FAM13A: variants seen among roughly 807,000 people sequenced by gnomAD.
FAM13A encodes the protein family with sequence similarity 13 member A, also known as protein FAM13A.
A neutral mutation model predicts 129.6 loss-of-function variants in FAM13A; 76 were observed. The observed-to-expected ratio is 0.59, with a 90% CI of 0.49 to 0.71. The LOEUF (loss-of-function observed/expected upper bound fraction) is 0.71, where lower values mean the gene tolerates loss of function less well. FAM13A is among the 30% of genes least tolerant of loss of function. The pLI, the probability that FAM13A is intolerant of heterozygous loss-of-function variation, is 0.00. For missense variants in FAM13A, 1,108 were observed against 1,249.3 expected (o/e 0.89, Z 1.70); for synonymous variants, 443 against 449.9 (o/e 0.98, Z 0.20).
chr4:88,948,250 G>A (rs933523723), intron 4 of FAM13A, among the ~76,000 whole-genome samples: 2 of 152,140 alleles, frequency 1.3e-5, no homozygotes, highest in African/African-American at 2.4e-5. Context: ...CTCATATAGT[G>A]TAGGTTTTGG....
intron 4 of FAM13A, among the ~76,000 whole-genome samples, chr4:88,954,861 G>A (rs1165207324): frequency 6.6e-6 from 1 of 151,310 alleles, no homozygotes; most frequent in African/African-American, 2.4e-5. Context: ...ACTCCAGCCT[G>A]GGCGACAGAG....
intron 6 of FAM13A, among the ~76,000 whole-genome samples, chr4:88,869,762 T>G (rs1157437059): frequency 6.6e-6 from 1 of 152,208 alleles, no homozygotes; most frequent in Non-Finnish European, 1.5e-5. Flanking sequence ...ATACCTGGCA[T>G]GTGATAGACA....
chr4:88,876,009 G>T (rs1162734392), intron 6 of FAM13A, among the ~76,000 whole-genome samples: 1 of 152,156 alleles, frequency 6.6e-6, no homozygotes, highest in South Asian at 2.1e-4. Flanking sequence ...GATGAAGCTG[G>T]AAACCATCAT....
intron 21 of FAM13A, among the ~76,000 whole-genome samples, chr4:88,735,737 G>A (rs1211752194): frequency 6.6e-6 from 1 of 152,138 alleles, no homozygotes; most frequent in Non-Finnish European, 1.5e-5. Flanking sequence ...CTGGCCAACA[G>A]GAACAAAGTG....
At chr4:88,802,941 A>G (rs1316365549) in intron 8 of FAM13A, among the ~76,000 whole-genome samples, 1 of 152,070 alleles carries the variant, frequency 6.6e-6, no homozygotes, top group Middle Eastern at 3.2e-3. Flanking sequence ...GTCTGTTCTG[A>G]TCTGCACTCT....
intron 4 of FAM13A, among the ~76,000 whole-genome samples, chr4:88,979,549 G>A (rs1303559377): frequency 6.6e-6 from 1 of 152,130 alleles, no homozygotes; most frequent in African/African-American, 2.4e-5. Flanking sequence ...CTCACGTGAA[G>A]AGATAATAAT....
At chr4:88,827,504 G>C (rs1430195978) in intron 7 of FAM13A, among the ~76,000 whole-genome samples, 1 of 152,166 alleles carries the variant, frequency 6.6e-6, no homozygotes, top group African/African-American at 2.4e-5. Flanking sequence ...AAATAGTTAA[G>C]TGCTCAATAA....
At chr4:88,981,399 A>C (rs565015420) in intron 4 of FAM13A, among the ~76,000 whole-genome samples, 1 of 152,354 alleles carries the variant, frequency 6.6e-6, no homozygotes, top group South Asian at 2.1e-4. Flanking sequence ...AATACACTCT[A>C]AACAACGGCA....
At chr4:88,902,648 T>C (rs892246715) in intron 6 of FAM13A, among the ~76,000 whole-genome samples, 7 of 152,250 alleles carry the variant, frequency 4.6e-5, no homozygotes, top group Admixed American at 3.3e-4. Context: ...CCACAGCCAG[T>C]ATCATACTGA....
Position 88,731,431 on chromosome 4 carries a change from AAG to A in FAM13A, c.2844-5_2844-4del, listed in dbSNP as rs376511180. On this transcript the variant is annotated splice_polypyrimidine_tract_variant and splice_region_variant and intron_variant, in intron 22 of 23. Transcript: ENST00000264344. ...GGAGGTGTTCCAGGAGTTCAGGTCT[AAG>A]AGAGAGGAAGCATTGCAAGGAAATT... 4 of 1,517,442 alleles carry A rather than the reference AAG, an allele frequency of 2.6e-6. No individual in the cohort carries two copies. The highest frequency in any genetic ancestry group is 3.5e-5 in the Admixed American group (2 of 56,522). The allele number at this position is 1,517,442 out of a possible 1,614,324, so 94.0% of individuals were successfully genotyped here. A position where few individuals can be genotyped will look rare whatever the true frequency, so the allele number is the denominator to read the frequency against.
intron 6 of FAM13A, chr4:88,855,345 T>C (rs1205111056): frequency 6.6e-6 from 1 of 152,128 alleles, no homozygotes; most frequent in Non-Finnish European, 1.5e-5. Context: ...CAAAACTAGA[T>C]GGAAGATATG....
intron 7 of FAM13A, among the ~76,000 whole-genome samples, chr4:88,805,672 A>AT (rs34154818): frequency 0.5 from 74,565 of 149,130 alleles, 18,604 homozygotes; most frequent in East Asian, 0.68. Flanking sequence ...TTGAAAGTTA[A>AT]TTTTTTTTTT....
intron 3 of FAM13A, among the ~76,000 whole-genome samples, chr4:89,017,247 GAAT>G (rs1189751284): frequency 6.6e-6 from 1 of 152,032 alleles, no homozygotes; most frequent in Non-Finnish European, 1.5e-5. Flanking sequence ...GGGAATGGAA[GAAT>G]AATACCAACA....
intron 7 of FAM13A, among the ~76,000 whole-genome samples, chr4:88,832,786 T>A (rs539650125): frequency 6.6e-6 from 1 of 152,224 alleles, no homozygotes; most frequent in African/African-American, 2.4e-5. Context: ...TTGGTGGAAA[T>A]GTAAACTAGT....
At chr4:88,991,433 G>A (rs933528298) in intron 3 of FAM13A, among the ~76,000 whole-genome samples, 2 of 151,910 alleles carry the variant, frequency 1.3e-5, no homozygotes, top group South Asian at 2.1e-4. Context: ...GAGAGACTCC[G>A]TCTCAAAATA....
At position 88,986,249 on chromosome 4, in the gene FAM13A, T is replaced by A. The variant is rs534709852; in HGVS notation, c.605+4724A>T. Among the ~76,000 whole-genome samples, 6 of 152,116 alleles carry A rather than the reference T, an allele frequency of 3.9e-5. No homozygotes were observed. The South Asian group carries it at 1.2e-3, about 32-fold the overall frequency. The stretch of plus-strand genomic sequence containing the variant: ...CCCGGGTTCAAGTGACTCTCATGCC[T>A]CAGCCTCTCAAGTAGCTGTGATTAC... On this transcript the variant is annotated intron_variant, in intron 4 of 23. Coordinates refer to ENST00000264344, the MANE Select transcript of FAM13A (RefSeq NM_014883.4).
intron 4 of FAM13A, among the ~76,000 whole-genome samples, chr4:88,988,748 G>A (rs1762572617): frequency 6.6e-6 from 1 of 151,880 alleles, no homozygotes; most frequent in East Asian, 1.9e-4. Flanking sequence ...ATTCAATAAA[G>A]TTAAAAATGG....
intron 7 of FAM13A, among the ~76,000 whole-genome samples, chr4:88,807,044 CT>C (rs1462804121): frequency 6.6e-6 from 1 of 152,138 alleles, no homozygotes; most frequent in Non-Finnish European, 1.5e-5. Context: ...TAGGAAAGGC[CT>C]CCATATTTTG....
intron 6 of FAM13A, among the ~76,000 whole-genome samples, chr4:88,853,314 C>T (rs892262816): frequency 7.2e-5 from 11 of 152,080 alleles, no homozygotes; most frequent in African/African-American, 1.9e-4. Flanking sequence ...TTAACATATG[C>T]GTTACCTCAC....
Sources: gnomAD v4.1 joint callset for allele counts (sites outside exome capture counted in the v4.1 genomes callset) on GRCh38, gnomAD v4.1.1 for gene constraint, MANE v1.5 for transcripts, NCBI Gene and HGNC (gene_info 2026-07-23, HGNC 2026-07-21) for gene names.